Variants in AP3B1 observed in about 807,000 individuals in gnomAD.
The protein encoded by AP3B1 is adaptor related protein complex 3 subunit beta 1.
Under a neutral mutation model 132.5 loss-of-function variants are expected in AP3B1, and 61 were observed. That is an observed-to-expected ratio of 0.46 (90% CI 0.37 to 0.57). The LOEUF is 0.57. Among genes scored for constraint, AP3B1 ranks in the 20% least tolerant of loss-of-function variants. The pLI is 0.00. For synonymous variants in AP3B1, 388 were observed against 438.3 expected, an observed-to-expected ratio of 0.89 and a Z score of 1.43; for missense variants, 1,120 against 1,289.4, an observed-to-expected ratio of 0.87 and a Z score of 2.01.
chr5:78,116,245 A>G lies in AP3B1; in HGVS notation c.1969-11T>C. 6.3e-7 allele frequency: 1 copy of G among 1,582,556 alleles called. No homozygotes were observed. The highest frequency in any genetic ancestry group is 8.7e-7 in the Non-Finnish European group (1 of 1,151,704). On this transcript the variant is annotated splice_polypyrimidine_tract_variant and intron_variant, in intron 17 of 26. Transcript: ENST00000255194. ...GGTCCATTCTTTTGCCTGTTTAAACAAATAAAGTAAATATAAATGAATTCT... is the reference window on the plus strand; with the variant it reads ...GGTCCATTCTTTTGCCTGTTTAAACGAATAAAGTAAATATAAATGAATTCT...
chr5:78,279,093 A>T (rs926535587), intron 1 of AP3B1, among the ~76,000 whole-genome samples: 1 of 152,230 alleles, frequency 6.6e-6, no homozygotes, highest in Non-Finnish European at 1.5e-5. Flanking sequence ...TACCAGGTGG[A>T]AAGCAAGATA....
chr5:78,002,546 G>A lies in AP3B1; in HGVS notation c.*356C>T, dbSNP rs901056728. On this transcript the variant is annotated 3_prime_UTR_variant, in exon 27 of 27. Transcript: ENST00000255194. ...GCTAATTTTTGCTTACTGCTGTAGG[G>A]AAGAAGATTTCCAATGAACTTTAAA... 7.5e-5 allele frequency: 40 copies of A among 535,756 alleles called. No homozygotes were observed. Among genetic ancestry groups the A allele is most frequent in the African/African-American group, 6.4e-4 (34 of 52,728 alleles). The allele number at this position is 535,756 out of a possible 1,614,324, so 33.2% of individuals were successfully genotyped here. A position where few individuals can be genotyped will look rare whatever the true frequency, so the allele number is the denominator to read the frequency against.
chr5:78,080,012 CTATT>C (rs1179597615), intron 22 of AP3B1, among the ~76,000 whole-genome samples: 12 of 151,890 alleles, frequency 7.9e-5, no homozygotes, highest in South Asian at 2.1e-4. Context: ...TGTAATTTTC[CTATT>C]TATTTATTTA....
chr5:78,064,185 T>C lies in AP3B1; in HGVS notation c.2578-24911A>G, dbSNP rs181054216. Among the ~76,000 whole-genome samples the C allele has an allele frequency of 8.5e-4, 128 of 150,704 alleles. 1 individual carries two copies. The East Asian group carries it at 0.013, about 15-fold the overall frequency. ...GCAACTTACTAATAATGAAAGTTTT[T>C]AGTGTTAACTGTTGTTTCCACATTT... is the stretch of plus-strand genomic sequence containing the variant. On this transcript the variant is annotated intron_variant, in intron 22 of 26. Coordinates refer to ENST00000255194, the MANE Select transcript of AP3B1 (RefSeq NM_003664.5).
intron 22 of AP3B1, among the ~76,000 whole-genome samples, chr5:78,086,893 G>T (rs1299646692): frequency 6.6e-6 from 1 of 151,992 alleles, no homozygotes. Context: ...TTCCAGGGAT[G>T]CAAGTACTTT....
chr5:78,125,299 C>T (rs1351135560), intron 17 of AP3B1, among the ~76,000 whole-genome samples: 1 of 151,974 alleles, frequency 6.6e-6, no homozygotes, highest in Admixed American at 6.6e-5. Context: ...GTGTGTAATT[C>T]AAAGTGACTT....
At chr5:78,095,293 T>G (rs1750724342) in intron 21 of AP3B1, among the ~76,000 whole-genome samples, 2 of 152,252 alleles carry the variant, frequency 1.3e-5, no homozygotes, top group Admixed American at 1.3e-4. Flanking sequence ...ACTGTGTACC[T>G]AGCAAACAAC....
At chr5:78,241,003 C>A in intron 2 of AP3B1, 67 bp from the exon 3 acceptor site, 2 of 1,159,024 alleles carry the variant, frequency 1.7e-6, no homozygotes, top group East Asian at 2.5e-5. Flanking sequence ...AAGATTAGGT[C>A]AACAAATAAG....
intron 2 of AP3B1, among the ~76,000 whole-genome samples, chr5:78,254,878 G>A (rs1747790416): frequency 6.6e-6 from 1 of 151,998 alleles, no homozygotes; most frequent in Non-Finnish European, 1.5e-5. Flanking sequence ...ATCAAAAATG[G>A]TAACTACAAG....
chr5:78,082,821 CT>C (rs747096103), intron 22 of AP3B1, among the ~76,000 whole-genome samples: 442 of 144,046 alleles, frequency 3.1e-3, no homozygotes, highest in Middle Eastern at 3.6e-3. Flanking sequence ...CTTGGGAACC[CT>C]TTTTTTTTTT....
chr5:78,178,419 G>C (rs368532786), intron 8 of AP3B1, among the ~76,000 whole-genome samples: 1 of 152,106 alleles, frequency 6.6e-6, no homozygotes, highest in Non-Finnish European at 1.5e-5. Flanking sequence ...AGTCAGGTGT[G>C]AGAGCATCCT....
At position 78,294,544 on chromosome 5, in the gene AP3B1, G is replaced by A. The variant is rs763524883; in HGVS notation, c.36C>T (p.Ser12=). ...SSNSFPYNEQ[S]GGGEATELGQ... ...CCAGCTCCGTCGCCTCCCCTCCTCC[G>A]GACTGCTCATTGTAAGGAAAACTAT... Residue 12 remains serine (S), a synonymous_variant, in exon 1 of 27, where the codon TCC becomes TCT. Coordinates refer to ENST00000255194, the MANE Select transcript of AP3B1 (RefSeq NM_003664.5). 2.5e-6 allele frequency: 4 copies of A among 1,614,110 alleles called. No individual in the cohort carries two copies. The South Asian group carries it at 3.3e-5, about 13-fold the overall frequency.
At chr5:78,270,646 G>A (rs1490486234) in intron 1 of AP3B1, among the ~76,000 whole-genome samples, 1 of 152,172 alleles carries the variant, frequency 6.6e-6, no homozygotes, top group East Asian at 1.9e-4. Flanking sequence ...AAAAAACGCT[G>A]GAAACAGAGT....
chr5:78,235,809 C>T (rs1363228145), intron 3 of AP3B1, among the ~76,000 whole-genome samples: 3 of 152,166 alleles, frequency 2.0e-5, no homozygotes. Flanking sequence ...GAGTTATTGA[C>T]TAAACCTTTG....
chr5:78,018,671 A>AACACACACACACACAC (rs3050070), intron 25 of AP3B1, among the ~76,000 whole-genome samples: 24 of 146,576 alleles, frequency 1.6e-4, no homozygotes, highest in African/African-American at 6.1e-4. Context: ...AAGCTGGTGT[A>AACACACACACACACAC]ACACACACAC....
intron 26 of AP3B1, among the ~76,000 whole-genome samples, chr5:78,013,648 C>T (rs1252981259): frequency 6.6e-6 from 1 of 152,012 alleles, no homozygotes; most frequent in Non-Finnish European, 1.5e-5. Context: ...GAGAAAATTA[C>T]CTAGGAAAGT....
intron 25 of AP3B1, among the ~76,000 whole-genome samples, chr5:78,020,472 T>C (rs1747043429): frequency 6.6e-6 from 1 of 152,112 alleles, no homozygotes; most frequent in East Asian, 1.9e-4. Flanking sequence ...AATTAATGTA[T>C]CATTTAAAGA....
At chr5:78,175,911 G>A (rs1744129658) in intron 9 of AP3B1, 73 bp from the exon 10 acceptor site, 1 of 1,137,388 alleles carries the variant, frequency 8.8e-7, no homozygotes, top group Non-Finnish European at 1.3e-6. Flanking sequence ...CTACAATAAT[G>A]ACAAAGAATT....
intron 22 of AP3B1, among the ~76,000 whole-genome samples, chr5:78,046,031 T>A (rs910874293): frequency 2.6e-5 from 4 of 152,312 alleles, no homozygotes; most frequent in East Asian, 1.9e-4. Flanking sequence ...ACATTTACTA[T>A]CTGGTACCTT....
Sources: gnomAD v4.1 joint callset for allele counts (sites outside exome capture counted in the v4.1 genomes callset) on GRCh38, gnomAD v4.1.1 for gene constraint, MANE v1.5 for transcripts, NCBI Gene and HGNC (gene_info 2026-07-23, HGNC 2026-07-21) for gene names.